The following PCNX2 variants were observed in gnomAD, a reference collection of about 807,000 sequenced individuals.
The protein encoded by PCNX2 is pecanex-like protein 2.
In PCNX2, 168 loss-of-function variants were observed where a neutral mutation model predicts 223.8. The observed-to-expected ratio is 0.75, with a 90% CI of 0.66 to 0.85. The LOEUF (loss-of-function observed/expected upper bound fraction) is 0.85, where lower values mean the gene tolerates loss of function less well. PCNX2 is among the 40% of genes least tolerant of loss of function. The pLI is 0.00. For synonymous variants in PCNX2, 1,006 were observed against 1,052.6 expected (o/e 0.96, Z 0.86); for missense variants, 2,507 against 2,675.5 (o/e 0.94, Z 1.39).
chr1:233,134,924 A>G (rs1446672101), intron 21 of PCNX2, 89 bp downstream of exon 21: 1 of 1,145,490 alleles, frequency 8.7e-7, no homozygotes, highest in Non-Finnish European at 1.3e-6. Flanking sequence ...AATTTTTTTT[A>G]TAAAGAATAA....
intron 25 of PCNX2, among the ~76,000 whole-genome samples, chr1:233,049,780 T>A (rs1231480935): frequency 6.6e-6 from 1 of 152,096 alleles, no homozygotes; most frequent in Non-Finnish European, 1.5e-5. Context: ...ACAAAATCAA[T>A]GTACAAAACT....
intron 1 of PCNX2, chr1:233,289,427 C>G: frequency 7.0e-7 from 1 of 1,420,120 alleles, no homozygotes; most frequent in Non-Finnish European, 9.9e-7. Context: ...GCTTCACGAT[C>G]TTGGCGCTCG....
chr1:233,003,323 C>T (rs1034953833), intron 28 of PCNX2, among the ~76,000 whole-genome samples: 4 of 152,216 alleles, frequency 2.6e-5, no homozygotes, highest in Admixed American at 2.0e-4. Context: ...AAAACAACCC[C>T]ATCAAAAAGT....
At chr1:233,169,219 T>A (rs1465504529) in intron 17 of PCNX2, among the ~76,000 whole-genome samples, 2 of 152,174 alleles carry the variant, frequency 1.3e-5, no homozygotes, top group Admixed American at 1.3e-4. Flanking sequence ...TGTTCTTAAA[T>A]CTAACTCGGG....
chr1:233,321,379 C>A, the PCNX2 span, among the ~76,000 whole-genome samples: 32 of 152,192 alleles, frequency 2.1e-4, no homozygotes, highest in African/African-American at 7.5e-4. Context: ...CCCACTGCAA[C>A]CTCTGCCTCC....
At chr1:233,266,671 T>C (rs779642540) in intron 1 of PCNX2, among the ~76,000 whole-genome samples, 13 of 152,224 alleles carry the variant, frequency 8.5e-5, no homozygotes, top group Non-Finnish European at 1.9e-4. Context: ...ATGTAAGGTA[T>C]ACTCATATTT....
At chr1:233,125,286 G>T (rs572540805) in intron 21 of PCNX2, among the ~76,000 whole-genome samples, 1 of 152,208 alleles carries the variant, frequency 6.6e-6, no homozygotes, top group East Asian at 1.9e-4. Flanking sequence ...TGTTTCACGG[G>T]TCACTTCTCA....
chr1:233,298,628 C>T (rs1204504711), upstream of PCNX2, among the ~76,000 whole-genome samples: 1 of 152,156 alleles, frequency 6.6e-6, no homozygotes, highest in Admixed American at 6.5e-5. Flanking sequence ...GTGGTTCACG[C>T]CTGTAATCCC....
intron 21 of PCNX2, among the ~76,000 whole-genome samples, chr1:233,098,158 T>C (rs760116832): frequency 1.3e-5 from 2 of 152,186 alleles, no homozygotes; most frequent in Non-Finnish European, 2.9e-5. Context: ...AAATGAATCA[T>C]GAGTTATGGA....
chr1:233,172,964 C>G (rs1679246516), intron 17 of PCNX2, among the ~76,000 whole-genome samples: 1 of 152,148 alleles, frequency 6.6e-6, no homozygotes, highest in African/African-American at 2.4e-5. Flanking sequence ...GGGACTAGCA[C>G]ATAAGATTCA....
At chr1:233,202,716 C>G (rs1396962558) in intron 13 of PCNX2, among the ~76,000 whole-genome samples, 3 of 152,178 alleles carry the variant, frequency 2.0e-5, no homozygotes, top group African/African-American at 7.2e-5. Flanking sequence ...TCCAAAGTTA[C>G]AGTCTCCGTT....
At chr1:233,072,871 T>G (rs879211651) in intron 23 of PCNX2, among the ~76,000 whole-genome samples, 2 of 152,144 alleles carry the variant, frequency 1.3e-5, no homozygotes, top group Admixed American at 1.3e-4. Flanking sequence ...CTGGCTTTGG[T>G]GTCAGGATGA....
intron 23 of PCNX2, among the ~76,000 whole-genome samples, chr1:233,083,520 G>A (rs1673458130): frequency 1.3e-5 from 2 of 152,222 alleles, no homozygotes; most frequent in African/African-American, 2.4e-5. Context: ...AGAGCACAGA[G>A]GGGCTACCGT....
intron 1 of PCNX2, among the ~76,000 whole-genome samples, chr1:233,274,037 C>T (rs147181905): frequency 0.01 from 1,551 of 152,282 alleles, 14 homozygotes; most frequent in South Asian, 0.028. Context: ...GTGATAAAGT[C>T]ATTGAGATAA....
chr1:233,136,483 T>C (rs1210624217), intron 20 of PCNX2, among the ~76,000 whole-genome samples: 1 of 152,216 alleles, frequency 6.6e-6, no homozygotes, highest in East Asian at 1.9e-4. Flanking sequence ...TGCAGTTGTT[T>C]CCACCTTGCC....
chr1:233,278,707 C>T (rs534949917), intron 1 of PCNX2, among the ~76,000 whole-genome samples: 1 of 152,280 alleles, frequency 6.6e-6, no homozygotes, highest in East Asian at 1.9e-4. Context: ...TTGCCCTCCA[C>T]TCTGTCCCAT....
chr1:233,185,639 C>A (rs1399281859), intron 15 of PCNX2, among the ~76,000 whole-genome samples: 1 of 152,088 alleles, frequency 6.6e-6, no homozygotes, highest in Non-Finnish European at 1.5e-5. Context: ...TGTTGAAACA[C>A]ATGTAGAGCA....
the PCNX2 span, among the ~76,000 whole-genome samples, chr1:233,324,778 T>A: frequency 6.6e-6 from 1 of 151,594 alleles, no homozygotes; most frequent in Non-Finnish European, 1.5e-5. Context: ...TTTTTGTATT[T>A]TTAATAGAGA....
chr1:233,231,645 A>G, intron 9 of PCNX2: 1 of 984,788 alleles, frequency 1.0e-6, no homozygotes, highest in Non-Finnish European at 1.2e-6. Context: ...GGATAGGGAG[A>G]AGGAGTAGAA....
Sources: gnomAD v4.1 joint callset for allele counts (sites outside exome capture counted in the v4.1 genomes callset) on GRCh38, gnomAD v4.1.1 for gene constraint, MANE v1.5 for transcripts, NCBI Gene and HGNC (gene_info 2026-07-23, HGNC 2026-07-21) for gene names.